ZNF395: variants seen among roughly 807,000 people sequenced by gnomAD.
ZNF395 encodes zinc finger protein 395.
Under a neutral mutation model 57.7 loss-of-function variants are expected in ZNF395, and 20 were observed. That is an observed-to-expected ratio of 0.35 (90% CI 0.24 to 0.50). The LOEUF (loss-of-function observed/expected upper bound fraction) is 0.50, where lower values mean the gene tolerates loss of function less well. Among genes scored for constraint, ZNF395 ranks in the 20% least tolerant of loss-of-function variants. ZNF395 has a pLI of 0.97. For synonymous variants in ZNF395, 295 were observed against 275.9 expected (o/e 1.07, Z -0.69); for missense variants, 606 against 671.2 (o/e 0.90, Z 1.07).
At chr8:28,375,918 T>G (rs973313434) in intron 1 of ZNF395, among the ~76,000 whole-genome samples, 2 of 152,210 alleles carry the variant, frequency 1.3e-5, no homozygotes, top group Non-Finnish European at 2.9e-5. Context: ...GTGTTTTTAC[T>G]AAGAGAGTTG....
In ZNF395 at chr8:28,376,351, G is replaced by C. The variant is rs1317544616; in HGVS notation, c.-59+10042C>G. Among the ~76,000 whole-genome samples, 5 of 152,168 alleles carry C rather than the reference G, an allele frequency of 3.3e-5. No individual in the cohort carries two copies. In the South Asian group the frequency reaches 1.0e-3, roughly 32 times the overall value. Reference sequence around the variant, plus strand: ...TTTGCTTTTTTTAAAAAAAGGCCGGGCTCACGCCTGTTAATCCCAGCACTT... The same window carrying C: ...TTTGCTTTTTTTAAAAAAAGGCCGGCCTCACGCCTGTTAATCCCAGCACTT... On this transcript the variant is annotated intron_variant, in intron 1 of 9. Transcript: ENST00000344423.
rs561358551 is a variant in ZNF395 at position 28,346,734 on chromosome 8, G to C, written c.*1985C>G. The C allele has an allele frequency of 5.9e-5, 9 of 151,842 alleles. No individual in the cohort carries two copies. The highest frequency in any genetic ancestry group is 1.3e-4 in the Non-Finnish European group (9 of 67,988). The allele number at this position is 151,842 out of a possible 1,614,324, so 9.4% of individuals were successfully genotyped here. A position where few individuals can be genotyped will look rare whatever the true frequency, so the allele number is the denominator to read the frequency against. ...AGGGGAAGGGGAGGCCCTCCTGAGC[G>C]AAGTTCCCATGTGTCAAGAACGTGC... is the stretch of plus-strand genomic sequence containing the variant. On this transcript the variant is annotated 3_prime_UTR_variant, in exon 10 of 10. Transcript: ENST00000344423.
intron 1 of ZNF395, among the ~76,000 whole-genome samples, chr8:28,384,789 G>A (rs1204501019): frequency 1.3e-5 from 2 of 152,138 alleles, no homozygotes; most frequent in African/African-American, 2.4e-5. Flanking sequence ...TCCCTCTCCA[G>A]CATCTCCACT....
At chr8:28,376,284 G>A (rs1802039422) in intron 1 of ZNF395, among the ~76,000 whole-genome samples, 1 of 152,062 alleles carries the variant, frequency 6.6e-6, no homozygotes, top group African/African-American at 2.4e-5. Flanking sequence ...TTACAGGCGT[G>A]AGCCACCATG....
In ZNF395 at chr8:28,348,665, T is replaced by C; in HGVS notation, c.*54A>G. ...GCTGAGGGCTGGTGACACACTGGCC[T>C]CTTGTCAGTGGCTGCCGGCAGGGCC... On this transcript the variant is annotated 3_prime_UTR_variant, in exon 10 of 10. Transcript: ENST00000344423. 2 of 1,525,628 alleles carry C rather than the reference T, an allele frequency of 1.3e-6. No individual in the cohort carries two copies. The highest frequency in any genetic ancestry group is 1.8e-6 in the Non-Finnish European group (2 of 1,099,670). The allele number at this position is 1,525,628 out of a possible 1,614,324, so 94.5% of individuals were successfully genotyped here. A position where few individuals can be genotyped will look rare whatever the true frequency, so the allele number is the denominator to read the frequency against.
intron 1 of ZNF395, among the ~76,000 whole-genome samples, chr8:28,363,882 A>C (rs1489736782): frequency 6.6e-6 from 1 of 152,090 alleles, no homozygotes; most frequent in Non-Finnish European, 1.5e-5. Flanking sequence ...GGCCTGCCGG[A>C]TTCGCATGGA....
chr8:28,367,297 G>A (rs748334560), intron 1 of ZNF395, among the ~76,000 whole-genome samples: 1 of 152,096 alleles, frequency 6.6e-6, no homozygotes, highest in South Asian at 2.1e-4. Context: ...CCCTATAACT[G>A]AGCATCCAGC....
At chr8:28,377,287 C>A (rs1802053081) in intron 1 of ZNF395, among the ~76,000 whole-genome samples, 3 of 151,960 alleles carry the variant, frequency 2.0e-5, no homozygotes, top group Admixed American at 6.6e-5. Context: ...GCCTATAATC[C>A]CAGCACTTTA....
intron 1 of ZNF395, among the ~76,000 whole-genome samples, chr8:28,373,996 C>T (rs982160282): frequency 1.3e-5 from 2 of 152,180 alleles, no homozygotes; most frequent in Admixed American, 6.5e-5. Context: ...AGAGAAAACT[C>T]ACAGGTGCTA....
chr8:28,386,128 G>T (rs1304462391), intron 1 of ZNF395: 2 of 147,078 alleles, frequency 1.4e-5, no homozygotes, highest in African/African-American at 4.9e-5. Context: ...CGCGGCCCGC[G>T]GCCCGGCTCC....
chr8:28,369,208 A>C (rs1156729766), intron 1 of ZNF395, among the ~76,000 whole-genome samples: 1 of 151,678 alleles, frequency 6.6e-6, no homozygotes, highest in Non-Finnish European at 1.5e-5. Flanking sequence ...AGTCATTTGA[A>C]TGGATCATCA....
rs2129957165 is a variant in ZNF395 at position 28,359,480 on chromosome 8, G to A, written c.473+112C>T. ...TGTGTCCCATTTGTCCCAATATCTT[G>A]GCACCCAGATGCCAATGACACCACA... On this transcript the variant is annotated intron_variant, in intron 3 of 9. Coordinates refer to ENST00000344423, the MANE Select transcript of ZNF395 (RefSeq NM_018660.3). This position sits in a 1 kb window ranked among gnomAD's most constrained non-coding sequence, Gnocchi z 4.7. 7.1e-7 allele frequency: 1 copy of A among 1,410,128 alleles called. No individual in the cohort carries two copies. The highest frequency in any genetic ancestry group is 1.9e-4 in the Middle Eastern group (1 of 5,320). The allele number at this position is 1,410,128 out of a possible 1,614,324, so 87.4% of individuals were successfully genotyped here. A position where few individuals can be genotyped will look rare whatever the true frequency, so the allele number is the denominator to read the frequency against.
At position 28,347,068 on chromosome 8, in the gene ZNF395, G is replaced by A. The variant is rs888523218; in HGVS notation, c.*1651C>T. ...CCCTTCCCAACATCATGACCCTACT[G>A]CCAGGTCTACAGATTTTGTAACACT... is the stretch of plus-strand genomic sequence containing the variant. On this transcript the variant is annotated 3_prime_UTR_variant, in exon 10 of 10. Coordinates refer to ENST00000344423, the MANE Select transcript of ZNF395 (RefSeq NM_018660.3). 7.9e-5 allele frequency: 12 copies of A among 151,728 alleles called. No homozygotes were observed. The highest frequency in any genetic ancestry group is 2.9e-4 in the African/African-American group (12 of 41,246). 9.4% of individuals were successfully genotyped at this position (151,728 alleles called of 1,614,324 possible).
intron 1 of ZNF395, among the ~76,000 whole-genome samples, chr8:28,367,546 T>C (rs1415525340): frequency 6.6e-6 from 1 of 152,252 alleles, no homozygotes; most frequent in African/African-American, 2.4e-5. Flanking sequence ...CTGTTTGCGC[T>C]GCTGGCAGGA....
Position 28,352,415 on chromosome 8 carries a change from C to A in ZNF395, c.920+158G>T, listed in dbSNP as rs1801727387. ...TCCCATCAACAGCAACAATGTTCAC[C>A]AGGATGTCTTTCTCAGGGGGCCAGG... On this transcript the variant is annotated intron_variant, in intron 6 of 9. Coordinates refer to ENST00000344423, the MANE Select transcript of ZNF395 (RefSeq NM_018660.3). The surrounding 1 kb of genome is among the most constrained non-coding windows in gnomAD (Gnocchi z 4.0). Among the ~76,000 whole-genome samples the A allele has an allele frequency of 6.6e-6, 1 of 152,208 alleles. No homozygotes were observed. The highest frequency in any genetic ancestry group is 1.5e-5 in the Non-Finnish European group (1 of 68,038).
In ZNF395 at chr8:28,363,878, C is replaced by T. The variant is rs144936867; in HGVS notation, c.-58-2696G>A. ...TTGTGCCTGCAACCTTCCAGGCCTG[C>T]CGGATTCGCATGGAGCTGGTGAACC... On this transcript the variant is annotated intron_variant, in intron 1 of 9. Transcript: ENST00000344423. 7.4e-3 allele frequency among the ~76,000 whole-genome samples: 1,132 copies of T among 152,240 alleles called. 8 individuals are homozygous for T. Among genetic ancestry groups the T allele is most frequent in the Non-Finnish European group, 0.01 (697 of 68,034 alleles).
chr8:28,369,713 C>A (rs1801954744), intron 1 of ZNF395, among the ~76,000 whole-genome samples: 1 of 152,256 alleles, frequency 6.6e-6, no homozygotes, highest in Admixed American at 6.5e-5. Flanking sequence ...CCTCTGGGAG[C>A]TAATCCCGCC....
intron 4 of ZNF395, among the ~76,000 whole-genome samples, chr8:28,354,930 C>T (rs942937796): frequency 2.0e-5 from 3 of 151,586 alleles, no homozygotes; most frequent in East Asian, 3.9e-4. Context: ...CCTACAAATG[C>T]GGTAGCCCTT....
intron 1 of ZNF395, among the ~76,000 whole-genome samples, chr8:28,382,675 C>G (rs539179968): frequency 1.3e-5 from 2 of 152,290 alleles, no homozygotes; most frequent in Non-Finnish European, 2.9e-5. Flanking sequence ...CAAGGTGTCT[C>G]TCATCTTTCC....
Sources: gnomAD v4.1 joint callset for allele counts (sites outside exome capture counted in the v4.1 genomes callset) on GRCh38, gnomAD v4.1.1 for gene constraint, Gnocchi (gnomAD v3.1) non-coding constraint, MANE v1.5 for transcripts, NCBI Gene and HGNC (gene_info 2026-07-23, HGNC 2026-07-21) for gene names.